The following CHAF1A variants were observed in gnomAD, a reference collection of about 807,000 sequenced individuals.
CHAF1A encodes the protein chromatin assembly factor 1 subunit A.
Under a neutral mutation model 93.2 loss-of-function variants are expected in CHAF1A, and 5 were observed. That is an observed-to-expected ratio of 0.05 (90% CI 0.03 to 0.11). The LOEUF is 0.11. CHAF1A is among the 10% of genes least tolerant of loss of function. CHAF1A has a pLI of 1.00. For missense variants in CHAF1A, 1,102 were observed against 1,259.9 expected, an observed-to-expected ratio of 0.87 and a Z score of 1.90; for synonymous variants, 504 against 510.3, an observed-to-expected ratio of 0.99 and a Z score of 0.17.
intron 3 of CHAF1A, among the ~76,000 whole-genome samples, chr19:4,411,844 T>C (rs1973811288): frequency 6.6e-6 from 1 of 151,738 alleles, no homozygotes; most frequent in South Asian, 2.1e-4. Flanking sequence ...GAGACGGGTT[T>C]CACCATGTTG....
intron 11 of CHAF1A, among the ~76,000 whole-genome samples, chr19:4,431,651 G>A (rs570780943): frequency 2.6e-5 from 4 of 152,214 alleles, no homozygotes; most frequent in Admixed American, 6.5e-5. Flanking sequence ...ACCCAACCCT[G>A]TTAAACGGCT....
downstream of CHAF1A, chr19:4,447,601 G>T (rs376182636): frequency 7.6e-5 from 122 of 1,613,860 alleles, no homozygotes; most frequent in Admixed American, 1.0e-4. Flanking sequence ...CCTCCTCGGG[G>T]TGCAGGTGGA....
In CHAF1A at chr19:4,436,858, C is replaced by T. The variant is rs556393300; in HGVS notation, c.2673+3319C>T. On this transcript the variant is annotated intron_variant, in intron 13 of 14. Transcript: ENST00000301280. ...AACATGTGGAACCCATGTTTCCCCA[C>T]CCGGAAAATAGCGCCCTGAGCCCCA... Among the ~76,000 whole-genome samples, 5 of 152,320 alleles carry T rather than the reference C, an allele frequency of 3.3e-5. No homozygotes were observed. The East Asian group carries it at 9.7e-4, about 29-fold the overall frequency.
In CHAF1A at chr19:4,442,936, C is replaced by G; in HGVS notation, c.2782C>G (p.Pro928Ala). 6.3e-7 allele frequency: 1 copy of G among 1,596,140 alleles called. No individual in the cohort carries two copies. Among genetic ancestry groups the G allele is most frequent in the Non-Finnish European group, 8.5e-7 (1 of 1,172,336 alleles). ...CTCTTGCCCTGCAGAGGTCCAAGCC[C>G]CGTGTGGAGCCGCTTCCGGAGCTGG... ...DVPDAAEVQA[P>A]CGAASGAGGG... Residue 928 changes from proline to alanine, a missense_variant, in exon 15 of 15, where the codon CCG becomes GCG. Pro to Ala is a conservative substitution (Grantham distance 27). Coordinates refer to ENST00000301280, the MANE Select transcript of CHAF1A (RefSeq NM_005483.3).
rs1347654185 is a variant in CHAF1A at position 4,408,987 on chromosome 19, G to C, written c.188G>C (p.Ser63Thr). ...MSDDQGTSVQSKSPDLEASLD... is the reference protein window; with the variant it reads ...MSDDQGTSVQTKSPDLEASLD... ...GACGATCAGGGTACTTCTGTGCAAAGTAAAAGCCCCGATTTAGAGGCCTCT... is the reference window on the plus strand; with the variant it reads ...GACGATCAGGGTACTTCTGTGCAAACTAAAAGCCCCGATTTAGAGGCCTCT... Residue 63 changes from serine to threonine, a missense_variant, in exon 3 of 15, where the codon AGT becomes ACT. This residue lies in a region of CHAF1A where 379 missense variants were observed against 365.7 expected (regional missense o/e 1.04). Transcript: ENST00000301280. The C allele has an allele frequency of 1.2e-6, 2 of 1,614,168 alleles. No individual in the cohort carries two copies. Among genetic ancestry groups the C allele is most frequent in the Non-Finnish European group, 1.7e-6 (2 of 1,180,014 alleles).
In CHAF1A at chr19:4,443,339, C is replaced by A. The variant is rs1415316150; in HGVS notation, c.*314C>A. 1 of 359,192 alleles carries A rather than the reference C, an allele frequency of 2.8e-6. No homozygotes were observed. Among genetic ancestry groups the A allele is most frequent in the Non-Finnish European group, 5.3e-6 (1 of 189,528 alleles). 22.3% of individuals were successfully genotyped at this position (359,192 alleles called of 1,614,324 possible). ...GAAGCGTCAGGACCACCCGCCTGGCCACGTGCGCGGGCCCCTGGACCTAAC... is the reference window on the plus strand; with the variant it reads ...GAAGCGTCAGGACCACCCGCCTGGCAACGTGCGCGGGCCCCTGGACCTAAC... On this transcript the variant is annotated 3_prime_UTR_variant, in exon 15 of 15. Coordinates refer to ENST00000301280, the MANE Select transcript of CHAF1A (RefSeq NM_005483.3).
intron 6 of CHAF1A, 56 bp from the exon 7 acceptor site, chr19:4,423,750 A>G (rs1974031580): frequency 6.5e-7 from 1 of 1,547,400 alleles, no homozygotes; most frequent in Non-Finnish European, 8.9e-7. Flanking sequence ...ATGTTTTGCA[A>G]CACATACTGT....
chr19:4,434,184 G>GA (rs1482914571), intron 13 of CHAF1A, among the ~76,000 whole-genome samples: 1 of 151,710 alleles, frequency 6.6e-6, no homozygotes, highest in Non-Finnish European at 1.5e-5. Context: ...CCATCTCTAA[G>GA]AAAAAATTTT....
chr19:4,447,527 C>T (rs776364037), downstream of CHAF1A: 34 of 1,612,236 alleles, frequency 2.1e-5, no homozygotes, highest in East Asian at 1.3e-4. Flanking sequence ...GCCTGGGCCC[C>T]GGGGGCCAGA....
chr19:4,421,607 T>C (rs1287630448), intron 4 of CHAF1A, among the ~76,000 whole-genome samples: 1 of 151,980 alleles, frequency 6.6e-6, no homozygotes, highest in Non-Finnish European at 1.5e-5. Context: ...CAAAACCCCA[T>C]CTCTAGGAAA....
chr19:4,405,928 T>C lies in CHAF1A; in HGVS notation c.69T>C (p.Asp23=). ...RGAATAMDCK[D]RPAFPVKKLI... ...TATTTGCAGCCATGGATTGCAAAGATAGACCAGCTTTTCCAGTTAAGAAGT... is the reference window on the plus strand; with the variant it reads ...TATTTGCAGCCATGGATTGCAAAGACAGACCAGCTTTTCCAGTTAAGAAGT... The change falls in exon 2 of 15, where the codon GAT becomes GAC. Residue 23 remains aspartate (D), a synonymous_variant. Transcript: ENST00000301280. 1.9e-6 allele frequency: 3 copies of C among 1,613,772 alleles called. No individual in the cohort carries two copies. The highest frequency in any genetic ancestry group is 2.5e-6 in the Non-Finnish European group (3 of 1,179,662).
intron 11 of CHAF1A, 109 bp downstream of exon 11, chr19:4,430,750 G>T (rs1332911211): frequency 8.8e-7 from 1 of 1,133,632 alleles, no homozygotes; most frequent in African/African-American, 1.5e-5. Context: ...AACCATACGA[G>T]ATTTGGACTG....
chr19:4,424,788 C>T (rs1264943675), intron 7 of CHAF1A, among the ~76,000 whole-genome samples: 1 of 152,190 alleles, frequency 6.6e-6, no homozygotes, highest in Non-Finnish European at 1.5e-5. Flanking sequence ...GCACATGCTA[C>T]CACACCTGGC....
intron 7 of CHAF1A, among the ~76,000 whole-genome samples, chr19:4,425,346 G>A (rs1032324437): frequency 5.3e-5 from 8 of 152,108 alleles, no homozygotes; most frequent in Admixed American, 2.0e-4. Context: ...TTTGTCTCCC[G>A]GGTTCAAGCA....
chr19:4,422,790 C>T lies in CHAF1A; in HGVS notation c.1242C>T (p.Ala414=). 1 of 1,612,282 alleles carries T rather than the reference C, an allele frequency of 6.2e-7. No individual in the cohort carries two copies. The highest frequency in any genetic ancestry group is 2.2e-5 in the East Asian group (1 of 44,870). ...AGCGGCGCAAGGAGAGACAGGAAGC[C>T]CTGGAGTGAGTGTCCTTGGAGGCCA... ...KEERRKERQE[A]LEAKLEEKRK... The change falls in exon 5 of 15, where the codon GCC becomes GCT. Residue 414 remains alanine (A), a synonymous_variant. Coordinates refer to ENST00000301280, the MANE Select transcript of CHAF1A (RefSeq NM_005483.3). This position sits in a 1 kb window ranked among gnomAD's most constrained non-coding sequence, Gnocchi z 4.6.
chr19:4,430,467 T>C (rs1274896270), intron 10 of CHAF1A, 82 bp from the exon 11 acceptor site: 13 of 923,990 alleles, frequency 1.4e-5, no homozygotes, highest in Non-Finnish European at 2.1e-5. Flanking sequence ...TGTGAGCCAC[T>C]GCGCCTGGCC....
At chr19:4,439,966 C>A (rs1229699426) in intron 13 of CHAF1A, among the ~76,000 whole-genome samples, 1 of 152,100 alleles carries the variant, frequency 6.6e-6, no homozygotes, top group Non-Finnish European at 1.5e-5. Context: ...GGGCTCCCAG[C>A]CACTGAAGAG....
rs541539513 is a variant in CHAF1A at position 4,428,004 on chromosome 19, A to G, written c.1378-660A>G. 5.9e-5 allele frequency among the ~76,000 whole-genome samples: 9 copies of G among 151,674 alleles called. No individual in the cohort carries two copies. In the South Asian group the frequency reaches 1.9e-3, roughly 32 times the overall value. ...CTCCCAAAGTGGTGGGATTACAGGCATGAGCCACTGCCCCTGGCCTAATTT... is the reference window on the plus strand; with the variant it reads ...CTCCCAAAGTGGTGGGATTACAGGCGTGAGCCACTGCCCCTGGCCTAATTT... On this transcript the variant is annotated intron_variant, in intron 7 of 14. Coordinates refer to ENST00000301280, the MANE Select transcript of CHAF1A (RefSeq NM_005483.3).
chr19:4,443,562 G>C (rs1422093418), downstream of CHAF1A, among the ~76,000 whole-genome samples: 1 of 152,178 alleles, frequency 6.6e-6, no homozygotes, highest in African/African-American at 2.4e-5. Context: ...GGCTGACCTG[G>C]GTCAAGGTGC....
Sources: allele counts gnomAD v4.1 joint callset (sites outside exome capture counted in the v4.1 genomes callset), GRCh38; gene constraint gnomAD v4.1.1; regional missense constraint gnomAD v4.1.1; non-coding constraint Gnocchi (gnomAD v3.1); transcripts MANE v1.5; gene names NCBI Gene and HGNC (gene_info 2026-07-23, HGNC 2026-07-21).